Variants in CEP135 observed in about 807,000 individuals in gnomAD.
CEP135 encodes the protein centrosomal protein of 135 kDa.
A neutral mutation model predicts 157.3 loss-of-function variants in CEP135; 142 were observed. That is an observed-to-expected ratio of 0.90 (90% CI 0.79 to 1.04). The LOEUF is 1.04. CEP135 is among the 50% of genes least tolerant of loss of function. The pLI, the probability that CEP135 is intolerant of heterozygous loss-of-function variation, is 0.00. For missense variants in CEP135, 1,317 were observed against 1,309.2 expected, an observed-to-expected ratio of 1.01 and a Z score of -0.09; for synonymous variants, 396 against 439.8, an observed-to-expected ratio of 0.90 and a Z score of 1.25.
intron 25 of CEP135, among the ~76,000 whole-genome samples, chr4:56,026,715 T>A (rs1219266945): frequency 6.6e-6 from 1 of 152,216 alleles, no homozygotes; most frequent in African/African-American, 2.4e-5. Flanking sequence ...TAAACTGTTT[T>A]CCAAAGTAGT....
intron 9 of CEP135, among the ~76,000 whole-genome samples, chr4:55,970,181 T>C (rs1728984832): frequency 6.6e-6 from 1 of 152,152 alleles, no homozygotes; most frequent in South Asian, 2.1e-4. Flanking sequence ...CCAGTCCTCT[T>C]TTAATAGCTT....
chr4:56,021,068 A>C (rs1318333762), intron 24 of CEP135, among the ~76,000 whole-genome samples: 1 of 152,208 alleles, frequency 6.6e-6, no homozygotes, highest in African/African-American at 2.4e-5. Flanking sequence ...GTATTGGATA[A>C]ATATTTCCTA....
Position 55,999,390 on chromosome 4 carries a change from CA to C in CEP135, c.2101del (p.Ile701LeufsTer8). The C allele has an allele frequency of 6.2e-7, 1 of 1,614,072 alleles. No individual in the cohort carries two copies. ...KRGELESAQA[Q>X]IKILEEKIDE... Reference sequence around the variant, plus strand: ...AGGTGAACTTGAATCAGCCCAAGCACAAATTAAAATACTGGAGGAAAAGATA... The same window carrying C: ...AGGTGAACTTGAATCAGCCCAAGCACAATTAAAATACTGGAGGAAAAGATA... On this transcript the variant is annotated frameshift_variant, in exon 16 of 26. Coordinates refer to ENST00000257287, the MANE Select transcript of CEP135 (RefSeq NM_025009.5). LOFTEE classifies it high-confidence loss of function.
At chr4:55,985,724 G>T (rs1441843196) in intron 14 of CEP135, among the ~76,000 whole-genome samples, 2 of 152,116 alleles carry the variant, frequency 1.3e-5, no homozygotes, top group East Asian at 3.9e-4. Flanking sequence ...GCCTCCCAAA[G>T]TGCTGGGATT....
chr4:55,955,956 A>T (rs976472420), intron 4 of CEP135, among the ~76,000 whole-genome samples: 7 of 152,132 alleles, frequency 4.6e-5, no homozygotes, highest in Non-Finnish European at 8.8e-5. Flanking sequence ...GTGTAGTAAG[A>T]ATTATCTAGT....
At chr4:56,019,303 G>C (rs1370604078) in intron 22 of CEP135, 50 bp from the exon 23 acceptor site, 2 of 1,414,118 alleles carry the variant, frequency 1.4e-6, no homozygotes, top group Non-Finnish European at 9.6e-7. Flanking sequence ...AATTTTTTCA[G>C]AGTAAGTTTA....
In CEP135 at chr4:55,975,009, A is replaced by G. The variant is rs1178297054; in HGVS notation, c.1473+40A>G. The G allele has an allele frequency of 3.3e-5, 46 of 1,402,994 alleles. No homozygotes were observed. In the East Asian group the frequency reaches 1.1e-3, roughly 33 times the overall value. The allele number at this position is 1,402,994 out of a possible 1,614,324, so 86.9% of individuals were successfully genotyped here. On this transcript the variant is annotated intron_variant, in intron 11 of 25. Transcript: ENST00000257287. ...TAAGAGTAGGCCAGAAAGTATCTTTATGAATAAATTTTTCTGGTTTATTAT... is the reference window on the plus strand; with the variant it reads ...TAAGAGTAGGCCAGAAAGTATCTTTGTGAATAAATTTTTCTGGTTTATTAT...
chr4:56,013,688 A>G (rs1240203032), intron 21 of CEP135, among the ~76,000 whole-genome samples: 4 of 152,174 alleles, frequency 2.6e-5, no homozygotes, highest in African/African-American at 4.8e-5. Context: ...TTGATATACA[A>G]TAGTTGGCCA....
chr4:56,024,369 C>T (rs1731080005), intron 24 of CEP135, 132 bp from the exon 25 acceptor site: 3 of 558,416 alleles, frequency 5.4e-6, no homozygotes, highest in Non-Finnish European at 9.5e-6. Flanking sequence ...TGTACAAAGA[C>T]ATAGGATTTA....
chr4:55,987,058 G>A (rs546467801), intron 14 of CEP135, among the ~76,000 whole-genome samples: 8 of 152,336 alleles, frequency 5.3e-5, no homozygotes, highest in African/African-American at 1.9e-4. Flanking sequence ...TATGGAAGTA[G>A]CCTGATCCTT....
chr4:56,024,655 G>T, intron 25 of CEP135, 41 bp downstream of exon 25: 2 of 1,353,428 alleles, frequency 1.5e-6, no homozygotes, highest in Non-Finnish European at 2.1e-6. Flanking sequence ...CTAATCTGTG[G>T]TTGTAAAAAT....
rs754792813 is a variant in CEP135 at position 55,953,142 on chromosome 4, T to C, written c.171T>C (p.Ala57=). The C allele has an allele frequency of 1.2e-6, 2 of 1,607,864 alleles. No homozygotes were observed. Among genetic ancestry groups the C allele is most frequent in the Non-Finnish European group, 1.7e-6 (2 of 1,178,160 alleles). The change falls in exon 3 of 26, where the codon GCT becomes GCC. Residue 57 remains alanine (A), a synonymous_variant. Transcript: ENST00000257287. ...LRQSKLSAVK[A]EKESANFDFV... ...AATCAAAATTATCTGCTGTGAAAGC[T>C]GAAAAAGAAAGTGCCAATTTTGATT...
intron 17 of CEP135, among the ~76,000 whole-genome samples, chr4:56,002,737 C>T (rs145303524): frequency 4.4e-4 from 67 of 152,114 alleles, no homozygotes; most frequent in Non-Finnish European, 7.6e-4. Flanking sequence ...ATAATGCAGG[C>T]CTTGTAGAAT....
In CEP135 at chr4:55,969,105, G is replaced by A; in HGVS notation, c.1087G>A (p.Glu363Lys). The A allele has an allele frequency of 2.5e-6, 4 of 1,613,066 alleles. No homozygotes were observed. The highest frequency in any genetic ancestry group is 3.4e-6 in the Non-Finnish European group (4 of 1,179,646). The change falls in exon 9 of 26, where the codon GAA becomes AAA. Residue 363 changes from glutamate (E) to lysine (K), a missense_variant. Glu to Lys is a moderately conservative substitution (Grantham distance 56). Transcript: ENST00000257287. ...GCTCTCTGAAATGCAGGATCTTGAA[G>A]AAACAATGGCAAAACTTCAGCTGGT... Reference protein sequence around the residue: ...RKLSEMQDLEETMAKLQLELN... With the variant: ...RKLSEMQDLEKTMAKLQLELN...
intron 10 of CEP135, 72 bp downstream of exon 10, chr4:55,971,480 T>TATTC (rs890782163): frequency 2.7e-5 from 37 of 1,355,312 alleles, no homozygotes; most frequent in Middle Eastern, 2.6e-4. Context: ...TCTTAGTAGA[T>TATTC]ATTCATTCAT....
At chr4:56,021,724 A>G (rs1381343853) in intron 24 of CEP135, among the ~76,000 whole-genome samples, 1 of 152,172 alleles carries the variant, frequency 6.6e-6, no homozygotes, top group African/African-American at 2.4e-5. Flanking sequence ...TATGAAATCA[A>G]TATTTACGAT....
intron 10 of CEP135, among the ~76,000 whole-genome samples, chr4:55,974,161 G>A (rs1470347819): frequency 6.6e-6 from 1 of 152,210 alleles, no homozygotes; most frequent in Non-Finnish European, 1.5e-5. Context: ...AATGAAAGAA[G>A]AGATGAGAAT....
intron 22 of CEP135, among the ~76,000 whole-genome samples, chr4:56,018,583 C>T (rs1730862872): frequency 6.6e-6 from 1 of 152,024 alleles, no homozygotes; most frequent in South Asian, 2.1e-4. Context: ...CATGGCAAAA[C>T]CCCGTCTCTA....
intron 21 of CEP135, among the ~76,000 whole-genome samples, chr4:56,013,892 C>T (rs931165204): frequency 3.9e-5 from 6 of 152,058 alleles, no homozygotes; most frequent in African/African-American, 1.4e-4. Flanking sequence ...TAGGGTTAGA[C>T]CCTAAGACCA....
Sources: allele counts gnomAD v4.1 joint callset (sites outside exome capture counted in the v4.1 genomes callset), GRCh38; gene constraint gnomAD v4.1.1; transcripts MANE v1.5; gene names NCBI Gene and HGNC (gene_info 2026-07-23, HGNC 2026-07-21).